LOXL4: variants seen among roughly 807,000 people sequenced by gnomAD.
LOXL4 encodes lysyl oxidase like 4, also known as lysyl oxidase homolog 4.
In LOXL4, 72 loss-of-function variants were observed where a neutral mutation model predicts 89.1. The ratio of observed to expected loss-of-function variants is 0.81; its 90% CI spans 0.67 to 0.98. The LOEUF is 0.98. Ranked by LOEUF, LOXL4 falls within the 50% of genes least tolerant of loss-of-function variation. LOXL4 has a pLI of 0.00. For missense variants in LOXL4, 984 were observed against 1,017.5 expected (o/e 0.97, Z 0.45); for synonymous variants, 355 against 392.1 (o/e 0.91, Z 1.12).
At chr10:98,261,776 A>G (rs735116) in intron 3 of LOXL4, among the ~76,000 whole-genome samples, 47,891 of 152,196 alleles carry the variant, frequency 0.31, 7,725 homozygotes, top group Non-Finnish European at 0.36. Context: ...CCCTTACCCA[A>G]TGCTGTCTCC....
chr10:98,257,604 G>T (rs756126984), intron 8 of LOXL4, 46 bp downstream of exon 8: 1 of 1,590,430 alleles, frequency 6.3e-7, no homozygotes, highest in Non-Finnish European at 8.6e-7. Context: ...GACTCCCCAG[G>T]GTTTCCCGGC....
At chr10:98,258,232 C>T (rs747771867) in intron 6 of LOXL4, 68 bp from the exon 7 acceptor site, 40 of 1,477,102 alleles carry the variant, frequency 2.7e-5, no homozygotes, top group Middle Eastern at 2.0e-4. Context: ...GCCCCCACAG[C>T]GGGATCCCCA....
chr10:98,256,995 G>A, intron 8 of LOXL4, 48 bp from the exon 9 acceptor site: 1 of 1,592,792 alleles, frequency 6.3e-7, no homozygotes, highest in South Asian at 1.1e-5. Context: ...TTGCAGGGAA[G>A]AGCTCAGGGC....
intron 2 of LOXL4, 115 bp from the exon 3 acceptor site, chr10:98,262,328 G>T: frequency 8.8e-7 from 1 of 1,130,654 alleles, no homozygotes; most frequent in Non-Finnish European, 1.3e-6. Flanking sequence ...GGGAGAAAGT[G>T]GCAGGGAGGA....
chr10:98,257,687 A>C lies in LOXL4; in HGVS notation c.1223T>G (p.Val408Gly). ...NGCQHENDAA[V>G]RCNVPNMGFQ... ...GCCCATGTTAGGGACATTGCACCTG[A>C]CAGCAGCATCATTCTCATGTTGGCA... is the stretch of plus-strand genomic sequence containing the variant. Residue 408 changes from valine to glycine, a missense_variant, in exon 8 of 15, where the codon GTC becomes GGC. Val to Gly is a moderately radical substitution (Grantham distance 109). Transcript: ENST00000260702. 1 of 1,614,072 alleles carries C rather than the reference A, an allele frequency of 6.2e-7. No homozygotes were observed. Among genetic ancestry groups the C allele is most frequent in the Non-Finnish European group, 8.5e-7 (1 of 1,179,986 alleles).
chr10:98,267,921 G>A (rs765282678), intron 1 of LOXL4, among the ~76,000 whole-genome samples: 2 of 152,166 alleles, frequency 1.3e-5, no homozygotes, highest in African/African-American at 2.4e-5. Flanking sequence ...CGGGCCTTGG[G>A]CCAAGCTCCC....
rs1192919659 is a variant in LOXL4 at position 98,253,746 on chromosome 10, A to G, written c.1642T>C (p.Leu548=). Residue 548 remains leucine (L), a synonymous_variant, in exon 11 of 15, where the codon TTG becomes CTG. Transcript: ENST00000260702. ...NAQLVQETAY[L]EDRPLSQLYC... ...AGCTGGCTGAGCGGGCGGTCCTCCA[A>G]GTAGGCCGTCTCCTGCACTAGCTGG... 3.7e-6 allele frequency: 6 copies of G among 1,614,218 alleles called. No homozygotes were observed. In the Admixed American group the frequency reaches 8.3e-5, roughly 22 times the overall value.
chr10:98,256,128 G>A (rs1373079587), intron 9 of LOXL4: 2 of 195,180 alleles, frequency 1.0e-5, no homozygotes, highest in South Asian at 2.9e-4. Flanking sequence ...CACACTGTGC[G>A]GCAGCCAGTG....
intron 4 of LOXL4, among the ~76,000 whole-genome samples, chr10:98,260,235 A>G (rs1466603398): frequency 6.6e-6 from 1 of 152,180 alleles, no homozygotes; most frequent in African/African-American, 2.4e-5. Flanking sequence ...ACCCAGTCAC[A>G]GCCTGGCTTG....
rs771528945 is a variant in LOXL4 at position 98,259,091 on chromosome 10, A to G, written c.839T>C (p.Met280Thr). The change falls in exon 6 of 15, where the codon ATG (methionine) becomes ACG (threonine). Residue 280 changes from methionine to threonine, a missense_variant. Coordinates refer to ENST00000260702, the MANE Select transcript of LOXL4 (RefSeq NM_032211.7). ...GKLRPACPGG[M>T]HAVVSCVAGP... Reference sequence around the variant, plus strand: ...TGCCACACAGCTGACCACAGCGTGCATGCCACCTGGGCAGGCTGGCCGCAG... The same window carrying G: ...TGCCACACAGCTGACCACAGCGTGCGTGCCACCTGGGCAGGCTGGCCGCAG... 2 of 1,599,060 alleles carry G rather than the reference A, an allele frequency of 1.3e-6. No homozygotes were observed. Among genetic ancestry groups the G allele is most frequent in the Non-Finnish European group, 1.7e-6 (2 of 1,172,746 alleles).
At chr10:98,259,564 A>G (rs1383896183) in intron 4 of LOXL4, 135 bp from the exon 5 acceptor site, 31 of 807,722 alleles carry the variant, frequency 3.8e-5, no homozygotes, top group Non-Finnish European at 4.2e-5. Flanking sequence ...TCTGATTTCA[A>G]TGCTGAGCTT....
In LOXL4 at chr10:98,248,956, C is replaced by T; in HGVS notation, c.2236G>A (p.Glu746Lys). 1.2e-6 allele frequency: 2 copies of T among 1,613,890 alleles called. No individual in the cohort carries two copies. Among genetic ancestry groups the T allele is most frequent in the Non-Finnish European group, 1.7e-6 (2 of 1,179,902 alleles). The change falls in exon 15 of 15, where the codon GAG becomes AAG. Residue 746 changes from glutamate (E) to lysine (K), a missense_variant. Coordinates refer to ENST00000260702, the MANE Select transcript of LOXL4 (RefSeq NM_032211.7). ...SYPANAELSL[E>K]QEQRLRNNLI ...TTGTTCCTGAGACGCTGTTCCTGCT[C>T]CAGGGAGAGTTCTGCATTGGCTGGG...
At chr10:98,251,206 G>C (rs1858183287) in intron 13 of LOXL4, 30 bp from the exon 14 acceptor site, 10 of 1,511,266 alleles carry the variant, frequency 6.6e-6, no homozygotes, top group Non-Finnish European at 9.2e-6. Flanking sequence ...AACTGAAAAT[G>C]GGTGATTTGG....
At chr10:98,251,276 T>G (rs1357767287) in intron 13 of LOXL4, 100 bp from the exon 14 acceptor site, 8 of 982,356 alleles carry the variant, frequency 8.1e-6, no homozygotes, top group Non-Finnish European at 1.3e-5. Context: ...TTTGCTTCAT[T>G]AATTCTTAAC....
At chr10:98,262,630 TGGA>T in intron 2 of LOXL4, 110 bp downstream of exon 2, 2 of 1,310,230 alleles carry the variant, frequency 1.5e-6, no homozygotes, top group Non-Finnish European at 2.1e-6. Flanking sequence ...AAATGCCGTG[TGGA>T]GGAGGTCACA....
At chr10:98,261,738 T>G (rs193065735) in intron 3 of LOXL4, among the ~76,000 whole-genome samples, 24 of 152,366 alleles carry the variant, frequency 1.6e-4, no homozygotes, top group Admixed American at 1.3e-3. Flanking sequence ...AGGCAGCAAT[T>G]GTGGCCAGGC....
At position 98,256,958 on chromosome 10, in the gene LOXL4, G is replaced by C. The variant is rs369072559; in HGVS notation, c.1261-11C>G. ...ACCAGCCAAGCGCACCTGCAATGGC[G>C]AGGGGTGTGTGAGGAGTGGGGTAGC... is the stretch of plus-strand genomic sequence containing the variant. On this transcript the variant is annotated splice_polypyrimidine_tract_variant and intron_variant, in intron 8 of 14. Coordinates refer to ENST00000260702, the MANE Select transcript of LOXL4 (RefSeq NM_032211.7). The C allele has an allele frequency of 2.5e-6, 4 of 1,612,864 alleles. No individual in the cohort carries two copies. The African/African-American group carries it at 5.3e-5, about 22-fold the overall frequency.
In LOXL4 at chr10:98,260,960, G is replaced by A; in HGVS notation, c.624C>T (p.Gly208=). 2 of 1,613,612 alleles carry A rather than the reference G, an allele frequency of 1.2e-6. No individual in the cohort carries two copies. The highest frequency in any genetic ancestry group is 2.2e-5 in the East Asian group (1 of 44,870). The part of the protein sequence containing the change: ...NNSRVVCGML[G]FPSEVPVDSH... ...TGTCGACAGGCACCTCGCTGGGGAA[G>A]CCCAGCATCCCGCACACCACCCTGC... The change falls in exon 4 of 15, where the codon GGC becomes GGT. Residue 208 remains glycine (G), a synonymous_variant. Coordinates refer to ENST00000260702, the MANE Select transcript of LOXL4 (RefSeq NM_032211.7).
At chr10:98,257,535 C>A in intron 8 of LOXL4, 115 bp downstream of exon 8, 1 of 1,292,682 alleles carries the variant, frequency 7.7e-7, no homozygotes, top group Non-Finnish European at 1.1e-6. Flanking sequence ...GTGCCCAAAG[C>A]AGAAGCGCTA....
Sources: allele counts gnomAD v4.1 joint callset (sites outside exome capture counted in the v4.1 genomes callset), GRCh38; gene constraint gnomAD v4.1.1; transcripts MANE v1.5; gene names NCBI Gene and HGNC (gene_info 2026-07-23, HGNC 2026-07-21).